SCLT1: variants seen among roughly 807,000 people sequenced by gnomAD.
SCLT1 encodes sodium channel-associated protein 1.
A neutral mutation model predicts 112.8 loss-of-function variants in SCLT1; 78 were observed. The ratio of observed to expected loss-of-function variants is 0.69; its 90% confidence interval spans 0.58 to 0.83. The LOEUF is 0.83. Among genes scored for constraint, SCLT1 ranks in the 40% least tolerant of loss-of-function variants. The pLI is 0.00. For synonymous variants in SCLT1, 257 were observed against 254.7 expected, an observed-to-expected ratio of 1.01 and a Z score of -0.09; for missense variants, 747 against 770.4, an observed-to-expected ratio of 0.97 and a Z score of 0.36.
chr4:128,890,723 G>C, intron 19 of SCLT1, among the ~76,000 whole-genome samples: 1 of 151,932 alleles, frequency 6.6e-6, no homozygotes, highest in East Asian at 1.9e-4. Flanking sequence ...GTGTCTTTTG[G>C]GATGGATTAA....
intron 18 of SCLT1, among the ~76,000 whole-genome samples, chr4:128,912,835 T>A (rs1735206402): frequency 6.6e-6 from 1 of 152,148 alleles, no homozygotes; most frequent in African/African-American, 2.4e-5. Context: ...GGAGGTAAGC[T>A]TTGAAACAGA....
Position 128,915,272 on chromosome 4 carries a change from C to T in SCLT1, c.1829+21383G>A, listed in dbSNP as rs949836701. Among the ~76,000 whole-genome samples the T allele has an allele frequency of 2.0e-5, 3 of 152,138 alleles. No individual in the cohort carries two copies. In the South Asian group the frequency reaches 6.2e-4, roughly 32 times the overall value. On this transcript the variant is annotated intron_variant, in intron 18 of 20. Coordinates refer to ENST00000281142, the MANE Select transcript of SCLT1 (RefSeq NM_144643.4). ...ACAGAGGTCTGTGTTATACGGCCAA[C>T]GTGTACTTTTCTAGATTTCAGAATA...
chr4:129,085,174 G>A (rs1157745045), intron 1 of SCLT1, among the ~76,000 whole-genome samples: 2 of 151,946 alleles, frequency 1.3e-5, no homozygotes, highest in South Asian at 4.2e-4. Flanking sequence ...AAATTTACAA[G>A]AAAAAAATCC....
At chr4:129,019,195 A>G (rs1388992392) in intron 5 of SCLT1, among the ~76,000 whole-genome samples, 2 of 152,194 alleles carry the variant, frequency 1.3e-5, no homozygotes, top group African/African-American at 2.4e-5. Flanking sequence ...AATACCAAGA[A>G]AATTACCCAG....
chr4:128,922,599 T>C (rs1735969672), intron 18 of SCLT1, among the ~76,000 whole-genome samples: 1 of 152,078 alleles, frequency 6.6e-6, no homozygotes, highest in Non-Finnish European at 1.5e-5. Context: ...GAGCTAAATA[T>C]TGAGTATACA....
intron 9 of SCLT1, chr4:128,971,219 A>G (rs1259793244): frequency 1.3e-5 from 2 of 152,220 alleles, no homozygotes; most frequent in Non-Finnish European, 2.9e-5. Context: ...AGAAAAAAAT[A>G]CTGTAGTGTA....
At chr4:128,925,114 G>C (rs1736192363) in intron 18 of SCLT1, among the ~76,000 whole-genome samples, 1 of 152,012 alleles carries the variant, frequency 6.6e-6, no homozygotes, top group Non-Finnish European at 1.5e-5. Flanking sequence ...ATCCTTTCCT[G>C]GTCAAGCTCT....
intron 12 of SCLT1, among the ~76,000 whole-genome samples, chr4:128,957,367 T>C (rs1308513183): frequency 6.6e-6 from 1 of 152,164 alleles, no homozygotes; most frequent in African/African-American, 2.4e-5. Flanking sequence ...CCTTCTAATC[T>C]CTACAGCCAG....
chr4:128,901,602 C>T (rs575953452), intron 18 of SCLT1, among the ~76,000 whole-genome samples: 10 of 151,662 alleles, frequency 6.6e-5, no homozygotes. Context: ...AGCACACCAA[C>T]ATGGCACATG....
At position 128,990,760 on chromosome 4, in the gene SCLT1, C is replaced by T. The variant is rs187571257; in HGVS notation, c.686+1407G>A. Among the ~76,000 whole-genome samples, 454 of 149,426 alleles carry T rather than the reference C, an allele frequency of 3.0e-3. 3 individuals carry two copies. The highest frequency in any genetic ancestry group is 9.9e-3 in the African/African-American group (406 of 40,810). Reference sequence around the variant, plus strand: ...AGTTGCCACATACAAGATCAACGAACAAAAATCAGTATTATTTCCATATGC... The same window carrying T: ...AGTTGCCACATACAAGATCAACGAATAAAAATCAGTATTATTTCCATATGC... On this transcript the variant is annotated intron_variant, in intron 9 of 20. Transcript: ENST00000281142.
At chr4:129,061,157 T>C (rs1442035714) in intron 2 of SCLT1, among the ~76,000 whole-genome samples, 4 of 152,278 alleles carry the variant, frequency 2.6e-5, no homozygotes, top group South Asian at 4.1e-4. Context: ...TAAGACACCA[T>C]GTAGTGGTGA....
intron 10 of SCLT1, 96 bp downstream of exon 10, chr4:128,970,282 C>T: frequency 1.4e-6 from 1 of 705,036 alleles, no homozygotes; most frequent in South Asian, 1.6e-5. Context: ...AATTCATCTT[C>T]TGACAACCCT....
At chr4:128,981,656 C>A (rs929061584) in intron 9 of SCLT1, among the ~76,000 whole-genome samples, 2 of 151,592 alleles carry the variant, frequency 1.3e-5, no homozygotes, top group African/African-American at 4.9e-5. Context: ...GGCCCCCTAC[C>A]CGCCAAATTA....
intron 18 of SCLT1, among the ~76,000 whole-genome samples, chr4:128,911,199 G>C (rs1735070911): frequency 6.6e-6 from 1 of 152,198 alleles, no homozygotes; most frequent in African/African-American, 2.4e-5. Flanking sequence ...CTGGGAGGCG[G>C]AGGTTGCAGT....
At chr4:128,891,444 T>TA (rs1473043955) in intron 18 of SCLT1, among the ~76,000 whole-genome samples, 4 of 152,088 alleles carry the variant, frequency 2.6e-5, no homozygotes, top group Non-Finnish European at 5.9e-5. Flanking sequence ...TTATCACAAT[T>TA]AAAATGGTAA....
intron 2 of SCLT1, among the ~76,000 whole-genome samples, chr4:129,076,583 C>G (rs904147069): frequency 6.6e-6 from 1 of 151,488 alleles, no homozygotes; most frequent in Non-Finnish European, 1.5e-5. Flanking sequence ...ACCAAGAGAC[C>G]AAAGCACTAA....
At chr4:128,915,142 T>G (rs940299301) in intron 18 of SCLT1, among the ~76,000 whole-genome samples, 2 of 152,234 alleles carry the variant, frequency 1.3e-5, no homozygotes, top group African/African-American at 4.8e-5. Context: ...TACTATAGAC[T>G]GTTATGCTTA....
intron 18 of SCLT1, among the ~76,000 whole-genome samples, chr4:128,910,316 T>G (rs1392726630): frequency 6.6e-6 from 1 of 152,242 alleles, no homozygotes; most frequent in African/African-American, 2.4e-5. Flanking sequence ...GTAAAAATTA[T>G]TGCTTAAATT....
chr4:128,935,933 A>G (rs1037428067), intron 18 of SCLT1, among the ~76,000 whole-genome samples: 4 of 152,234 alleles, frequency 2.6e-5, no homozygotes, highest in Admixed American at 2.6e-4. Context: ...TACATAATTT[A>G]CTAGTTGATA....
Sources: gnomAD v4.1 joint callset for allele counts (sites outside exome capture counted in the v4.1 genomes callset) on GRCh38, gnomAD v4.1.1 for gene constraint, MANE v1.5 for transcripts, NCBI Gene and HGNC (gene_info 2026-07-23, HGNC 2026-07-21) for gene names.